The following UBAC2 variants were observed in gnomAD, a reference collection of about 807,000 sequenced individuals.
UBAC2 encodes UBA domain containing 2.
In UBAC2, 26 loss-of-function variants were observed where a neutral mutation model predicts 44.0. That is an observed-to-expected ratio of 0.59 (90% CI 0.43 to 0.82). The LOEUF (loss-of-function observed/expected upper bound fraction) is 0.82. Among genes scored for constraint, UBAC2 ranks in the 40% least tolerant of loss-of-function variants. The pLI is 0.00. For synonymous variants in UBAC2, 155 were observed against 154.3 expected, an observed-to-expected ratio of 1.00 and a Z score of -0.04; for missense variants, 329 against 419.4, an observed-to-expected ratio of 0.78 and a Z score of 1.88.
Position 99,386,483 on chromosome 13 carries a change from ACATATTTACCAGT to A in UBAC2, c.*1151_*1163del, listed in dbSNP as rs1318860516. 3 of 152,250 alleles carry A rather than the reference ACATATTTACCAGT, an allele frequency of 2.0e-5. No individual in the cohort carries two copies. The highest frequency in any genetic ancestry group is 4.4e-5 in the Non-Finnish European group (3 of 68,050). 9.4% of individuals were successfully genotyped at this position (152,250 alleles called of 1,614,324 possible). Reference sequence around the variant, plus strand: ...CAAATAAAGCCTTGTTCCAGGCTATACATATTTACCAGTCAACCAAATCCTCCGCACTGCTCGT... The same window carrying A: ...CAAATAAAGCCTTGTTCCAGGCTATACAACCAAATCCTCCGCACTGCTCGT... On this transcript the variant is annotated 3_prime_UTR_variant, in exon 9 of 9. Transcript: ENST00000403766.
chr13:99,358,776 G>T (rs2045224797), intron 7 of UBAC2, among the ~76,000 whole-genome samples: 2 of 152,128 alleles, frequency 1.3e-5, no homozygotes, highest in South Asian at 4.1e-4. Context: ...TCTGGTTTAT[G>T]CAGTGGATGG....
At chr13:99,214,546 CA>C (rs1398370350) in intron 1 of UBAC2, among the ~76,000 whole-genome samples, 1 of 152,090 alleles carries the variant, frequency 6.6e-6, no homozygotes, top group African/African-American at 2.4e-5. Context: ...CTGCAGTCGT[CA>C]AAGGGTGGCT....
At chr13:99,346,816 C>T (rs773659061) in intron 7 of UBAC2, among the ~76,000 whole-genome samples, 5 of 151,912 alleles carry the variant, frequency 3.3e-5, no homozygotes, top group Non-Finnish European at 5.9e-5. Flanking sequence ...CCTTTCTCCA[C>T]CAGTGTGTCT....
intron 4 of UBAC2, among the ~76,000 whole-genome samples, chr13:99,293,057 T>G (rs2138711647): frequency 6.6e-6 from 1 of 152,278 alleles, no homozygotes; most frequent in East Asian, 1.9e-4. Context: ...GGGCAGCCTT[T>G]AAGGGGAGTT....
At chr13:99,276,185 AC>A (rs1389707944) in intron 4 of UBAC2, among the ~76,000 whole-genome samples, 1 of 151,928 alleles carries the variant, frequency 6.6e-6, no homozygotes, top group Non-Finnish European at 1.5e-5. Context: ...AACAAGTAGT[AC>A]TCCAGTTCTT....
intron 6 of UBAC2, among the ~76,000 whole-genome samples, chr13:99,323,092 C>T (rs749285554): frequency 9.2e-5 from 14 of 151,936 alleles, no homozygotes; most frequent in East Asian, 1.9e-4. Context: ...TCCTCTGCGC[C>T]GCCTTTGCTT....
intron 7 of UBAC2, among the ~76,000 whole-genome samples, chr13:99,356,395 C>G (rs2045183239): frequency 6.6e-6 from 1 of 152,254 alleles, no homozygotes; most frequent in Non-Finnish European, 1.5e-5. Context: ...TAGTTGGAAA[C>G]TTCTGTCCCC....
chr13:99,335,082 C>T (rs751848237), intron 6 of UBAC2, among the ~76,000 whole-genome samples: 8 of 152,116 alleles, frequency 5.3e-5, no homozygotes, highest in Admixed American at 2.6e-4. Flanking sequence ...CTAATAACAG[C>T]GTCCACAAAC....
At chr13:99,365,876 A>C (rs1256836984) in intron 7 of UBAC2, among the ~76,000 whole-genome samples, 2 of 152,022 alleles carry the variant, frequency 1.3e-5, no homozygotes, top group Admixed American at 6.6e-5. Flanking sequence ...TTCTCTTGTA[A>C]TTCTATTAAT....
intron 4 of UBAC2, among the ~76,000 whole-genome samples, chr13:99,246,431 A>G (rs959188203): frequency 3.9e-5 from 6 of 152,226 alleles, no homozygotes; most frequent in Non-Finnish European, 5.9e-5. Flanking sequence ...TTGCCAAATC[A>G]TCAGTTTTCC....
chr13:99,230,655 T>G (rs1326821101), intron 1 of UBAC2, among the ~76,000 whole-genome samples: 1 of 152,166 alleles, frequency 6.6e-6, no homozygotes, highest in Admixed American at 6.5e-5. Context: ...ATTTCTTGAC[T>G]CATGACCCAA....
intron 6 of UBAC2, among the ~76,000 whole-genome samples, chr13:99,323,233 C>T (rs1056529418): frequency 1.3e-5 from 2 of 152,042 alleles, no homozygotes; most frequent in African/African-American, 4.8e-5. Flanking sequence ...CACAAGCCTC[C>T]CAGTTAAACT....
chr13:99,373,969 CAA>C (rs1305218897), intron 8 of UBAC2, among the ~76,000 whole-genome samples: 1 of 152,160 alleles, frequency 6.6e-6, no homozygotes, highest in Non-Finnish European at 1.5e-5. Flanking sequence ...ACTGCCCAGA[CAA>C]GAGATGTTAC....
chr13:99,251,618 T>A (rs1594048763), intron 4 of UBAC2, among the ~76,000 whole-genome samples: 1 of 152,328 alleles, frequency 6.6e-6, no homozygotes, highest in African/African-American at 2.4e-5. Context: ...CTAGTTCTTT[T>A]AAAAACCCTC....
chr13:99,324,832 G>T (rs1445817882), intron 6 of UBAC2, among the ~76,000 whole-genome samples: 1 of 152,028 alleles, frequency 6.6e-6, no homozygotes, highest in Non-Finnish European at 1.5e-5. Context: ...ATCAAGTAGG[G>T]GAAATGACTG....
At chr13:99,234,295 G>T in intron 1 of UBAC2, 1 of 280,652 alleles carries the variant, frequency 3.6e-6, no homozygotes, top group South Asian at 2.5e-5. Flanking sequence ...CGATTCAAGT[G>T]ATTCTCCCGC....
chr13:99,247,737 G>A (rs1438602479), intron 4 of UBAC2, among the ~76,000 whole-genome samples: 1 of 152,048 alleles, frequency 6.6e-6, no homozygotes, highest in Admixed American at 6.6e-5. Context: ...ATGTATCCCC[G>A]GAACTTAAAA....
chr13:99,285,250 AGCTGCT>A (rs377214854), intron 4 of UBAC2, among the ~76,000 whole-genome samples: 5 of 151,966 alleles, frequency 3.3e-5, no homozygotes, highest in South Asian at 2.1e-4. Context: ...TGTCTTAAGT[AGCTGCT>A]GCTGCTGCTG....
At chr13:99,335,454 C>T (rs1294060439) in intron 6 of UBAC2, among the ~76,000 whole-genome samples, 1 of 152,030 alleles carries the variant, frequency 6.6e-6, no homozygotes, top group Non-Finnish European at 1.5e-5. Flanking sequence ...ATGCCTCTGC[C>T]TACCCCCTAC....
Sources: allele counts gnomAD v4.1 joint callset (sites outside exome capture counted in the v4.1 genomes callset), GRCh38; gene constraint gnomAD v4.1.1; transcripts MANE v1.5; gene names NCBI Gene and HGNC (gene_info 2026-07-23, HGNC 2026-07-21).